The following GLDC variants were observed in gnomAD, a reference collection of about 807,000 sequenced individuals.
The protein encoded by GLDC is glycine dehydrogenase (decarboxylating), mitochondrial.
GLDC carries 104 observed loss-of-function variants against 121.3 expected under a neutral mutation model. The observed-to-expected ratio is 0.86, with a 90% confidence interval of 0.73 to 1.01. GLDC has a LOEUF of 1.01. Ranked by LOEUF, GLDC falls within the 50% of genes least tolerant of loss-of-function variation. The pLI, the probability that GLDC is intolerant of heterozygous loss-of-function variation, is 0.00. For missense variants in GLDC, 1,429 were observed against 1,306.6 expected (o/e 1.09, Z -1.44); for synonymous variants, 546 against 480.6 (o/e 1.14, Z -1.78).
intron 14 of GLDC, 32 bp from the exon 15 acceptor site, chr9:6,587,315 A>C: frequency 6.6e-7 from 1 of 1,511,456 alleles, no homozygotes; most frequent in Non-Finnish European, 9.2e-7. Context: ...ATGCATATAT[A>C]CATATTATAA....
intron 2 of GLDC, among the ~76,000 whole-genome samples, chr9:6,629,805 T>C (rs1157675893): frequency 6.6e-6 from 1 of 151,224 alleles, no homozygotes; most frequent in South Asian, 2.1e-4. Flanking sequence ...ATTGTTATCA[T>C]TTATATTTTA....
At chr9:6,559,263 C>T (rs1385678602) in intron 16 of GLDC, among the ~76,000 whole-genome samples, 1 of 152,058 alleles carries the variant, frequency 6.6e-6, no homozygotes, top group African/African-American at 2.4e-5. Flanking sequence ...GCGTGTAATC[C>T]CAGCACTTTG....
intron 19 of GLDC, 43 bp from the exon 20 acceptor site, chr9:6,553,552 C>T: frequency 3.1e-6 from 5 of 1,596,740 alleles, no homozygotes; most frequent in Non-Finnish European, 4.3e-6. Flanking sequence ...GTAAACGATT[C>T]AGTTTAATCT....
intron 17 of GLDC, chr9:6,558,323 G>A: frequency 3.2e-6 from 2 of 630,516 alleles, no homozygotes; most frequent in South Asian, 3.8e-5. Context: ...TCTGCAAGGA[G>A]TACTCTTACT....
chr9:6,619,132 G>C (rs1319585443), intron 3 of GLDC, among the ~76,000 whole-genome samples: 5 of 106,720 alleles, frequency 4.7e-5, no homozygotes, highest in Non-Finnish European at 6.8e-5. Flanking sequence ...AACAGAGTGA[G>C]ACTCTGTCTC....
rs1817685627 is a variant in GLDC at position 6,558,690 on chromosome 9, G to A, written c.1927-6C>T. 1.2e-6 allele frequency: 2 copies of A among 1,614,124 alleles called. No homozygotes were observed. Among genetic ancestry groups the A allele is most frequent in the Non-Finnish European group, 1.7e-6 (2 of 1,179,986 alleles). On this transcript the variant is annotated splice_region_variant and splice_polypyrimidine_tract_variant and intron_variant, in intron 16 of 24. Transcript: ENST00000321612. The stretch of plus-strand genomic sequence containing the variant: ...GATTTCGGAATGAGGCAAACCTACA[G>A]AATAGAAAGGAAGCAAAGAAAGAGC...
chr9:6,634,444 G>C (rs1309272105), intron 2 of GLDC, among the ~76,000 whole-genome samples: 1 of 151,906 alleles, frequency 6.6e-6, no homozygotes, highest in Non-Finnish European at 1.5e-5. Context: ...AGGGAGGATC[G>C]CTTGAGCCTG....
At chr9:6,604,208 T>A (rs998098085) in intron 7 of GLDC, among the ~76,000 whole-genome samples, 4 of 152,170 alleles carry the variant, frequency 2.6e-5, no homozygotes, top group Non-Finnish European at 5.9e-5. Context: ...GCAAACTCAG[T>A]GTGTACTTTG....
chr9:6,636,991 G>C (rs34848653), intron 2 of GLDC, among the ~76,000 whole-genome samples: 3,379 of 152,168 alleles, frequency 0.022, 55 homozygotes, highest in Non-Finnish European at 0.034. Flanking sequence ...GGCTGAGGCA[G>C]AAGAATTGCT....
At chr9:6,616,139 T>C (rs1030516132) in intron 3 of GLDC, among the ~76,000 whole-genome samples, 4 of 152,196 alleles carry the variant, frequency 2.6e-5, no homozygotes, top group African/African-American at 9.7e-5. Flanking sequence ...TCTTGAAAAG[T>C]TGGAGTTTTT....
intron 15 of GLDC, among the ~76,000 whole-genome samples, chr9:6,584,494 C>T (rs1489247371): frequency 1.3e-5 from 2 of 152,052 alleles, no homozygotes; most frequent in Non-Finnish European, 2.9e-5. Context: ...AATGTGTCAC[C>T]CACTTGTGCA....
At chr9:6,575,147 A>C (rs1039793472) in intron 15 of GLDC, among the ~76,000 whole-genome samples, 8 of 150,950 alleles carry the variant, frequency 5.3e-5, no homozygotes, top group African/African-American at 1.5e-4. Context: ...CAGAGATTGC[A>C]GTGAGCTGAG....
At position 6,587,248 on chromosome 9, in the gene GLDC, G is replaced by A; in HGVS notation, c.1743C>T (p.Pro581=). ...CTTGAGCTTGATCCAGAGGCACAAA[G>A]GGGTGGATGTTTGCAAATTCTTTCC... ...ITWKEFANIH[P]FVPLDQAQGY... The change falls in exon 15 of 25, where the codon CCC becomes CCT. Residue 581 remains proline (P), a synonymous_variant. Transcript: ENST00000321612. 6.2e-7 allele frequency: 1 copy of A among 1,613,980 alleles called. No homozygotes were observed. Among genetic ancestry groups the A allele is most frequent in the Non-Finnish European group, 8.5e-7 (1 of 1,179,880 alleles).
At chr9:6,644,475 G>T (rs1422974386) in intron 2 of GLDC, 139 bp downstream of exon 2, 4 of 700,410 alleles carry the variant, frequency 5.7e-6, no homozygotes, top group South Asian at 4.6e-5. Flanking sequence ...GGCTCCGGAG[G>T]TACCCGCCAC....
At chr9:6,642,680 A>G (rs1819652800) in intron 2 of GLDC, among the ~76,000 whole-genome samples, 2 of 152,136 alleles carry the variant, frequency 1.3e-5, no homozygotes, top group Admixed American at 1.3e-4. Flanking sequence ...AGGATACACA[A>G]CTTTGCCATG....
chr9:6,572,612 T>A (rs1817988583), intron 15 of GLDC, among the ~76,000 whole-genome samples: 1 of 152,298 alleles, frequency 6.6e-6, no homozygotes, highest in African/African-American at 2.4e-5. Context: ...CAGGACATTA[T>A]GAATCTGGAT....
At chr9:6,583,473 C>T (rs1818210024) in intron 15 of GLDC, among the ~76,000 whole-genome samples, 1 of 152,050 alleles carries the variant, frequency 6.6e-6, no homozygotes, top group Admixed American at 6.6e-5. Flanking sequence ...TCAGGAGTTC[C>T]AGACCAGCCT....
chr9:6,567,001 T>G (rs959617072), intron 15 of GLDC, among the ~76,000 whole-genome samples: 1 of 152,160 alleles, frequency 6.6e-6, no homozygotes, highest in Non-Finnish European at 1.5e-5. Flanking sequence ...CGGGCTCCCT[T>G]TGCAAGCAGT....
At chr9:6,642,933 CTG>C (rs1819657227) in intron 2 of GLDC, among the ~76,000 whole-genome samples, 1 of 151,308 alleles carries the variant, frequency 6.6e-6, no homozygotes, top group Admixed American at 6.6e-5. Context: ...GGGTCTCACT[CTG>C]TTACTCAGGT....
Sources: allele counts gnomAD v4.1 joint callset (sites outside exome capture counted in the v4.1 genomes callset), GRCh38; gene constraint gnomAD v4.1.1; transcripts MANE v1.5; gene names NCBI Gene and HGNC (gene_info 2026-07-23, HGNC 2026-07-21).